NBEAL1: variants seen among roughly 807,000 people sequenced by gnomAD.
The protein encoded by NBEAL1 is neurobeachin like 1.
NBEAL1 carries 273 observed loss-of-function variants against 351.3 expected under a neutral mutation model. The observed-to-expected ratio is 0.78, with a 90% CI of 0.70 to 0.86. The LOEUF (loss-of-function observed/expected upper bound fraction) is 0.86. Ranked by LOEUF, NBEAL1 falls within the 40% of genes least tolerant of loss-of-function variation. NBEAL1 has a pLI of 0.00. For synonymous variants in NBEAL1, 1,050 were observed against 1,086.4 expected (o/e 0.97, Z 0.66); for missense variants, 2,961 against 3,201.3 (o/e 0.92, Z 1.81).
chr2:203,164,500 G>A (rs1215106510), intron 36 of NBEAL1, among the ~76,000 whole-genome samples: 4 of 151,806 alleles, frequency 2.6e-5, no homozygotes, highest in Non-Finnish European at 4.4e-5. Flanking sequence ...GTTTTACACT[G>A]AAGAACCAAA....
At chr2:203,189,028 A>G (rs778800666) in intron 45 of NBEAL1, among the ~76,000 whole-genome samples, 15 of 152,226 alleles carry the variant, frequency 9.9e-5, no homozygotes, top group Non-Finnish European at 1.9e-4. Flanking sequence ...TAAGAAGACT[A>G]ATAGTTCTAA....
chr2:203,075,636 C>T (rs1363158851), intron 7 of NBEAL1, among the ~76,000 whole-genome samples: 1 of 152,212 alleles, frequency 6.6e-6, no homozygotes, highest in African/African-American at 2.4e-5. Flanking sequence ...CAGTACTCTG[C>T]TTTACAAATT....
intron 3 of NBEAL1, among the ~76,000 whole-genome samples, chr2:203,046,680 G>A (rs2061232164): frequency 6.6e-6 from 1 of 152,118 alleles, no homozygotes. Context: ...AGAGGAAGGG[G>A]CAGGGCAACT....
At position 203,027,647 on chromosome 2, in the gene NBEAL1, A is replaced by G. The variant is rs16839459; in HGVS notation, c.51+11212A>G. Among the ~76,000 whole-genome samples the G allele has an allele frequency of 5.4e-3, 824 of 152,280 alleles. 11 individuals are homozygous for G. Among genetic ancestry groups the G allele is most frequent in the African/African-American group, 0.019 (777 of 41,558 alleles). ...TTATTGAGTGATTTTTGTCTGTTCA[A>G]AATACAAAATTTAACCTTTCTAGTG... On this transcript the variant is annotated intron_variant, in intron 2 of 55. Transcript: ENST00000683969.
At chr2:203,212,468 G>A (rs1443728508) in intron 54 of NBEAL1, among the ~76,000 whole-genome samples, 1 of 151,876 alleles carries the variant, frequency 6.6e-6, no homozygotes, top group Non-Finnish European at 1.5e-5. Context: ...TTAGCCGGGT[G>A]TGGTGGCGGG....
chr2:203,189,648 A>G (rs2065008726), intron 45 of NBEAL1, among the ~76,000 whole-genome samples: 1 of 151,968 alleles, frequency 6.6e-6, no homozygotes. Flanking sequence ...CAGCCTCCCA[A>G]AGTGCTGGGA....
chr2:203,110,784 T>TC (rs2062553753), intron 15 of NBEAL1, among the ~76,000 whole-genome samples: 1 of 146,250 alleles, frequency 6.8e-6, no homozygotes, highest in East Asian at 2.0e-4. Flanking sequence ...TTTTTTTTTT[T>TC]GAGATAGAGT....
chr2:203,199,153 G>C (rs1261417803), intron 48 of NBEAL1, among the ~76,000 whole-genome samples, 185 bp from the exon 49 acceptor site: 1 of 152,106 alleles, frequency 6.6e-6, no homozygotes, highest in Non-Finnish European at 1.5e-5. Flanking sequence ...AAAAATAAAA[G>C]ATAAAAAAAG....
In NBEAL1 at chr2:203,099,777, G is replaced by A. The variant is rs548392188; in HGVS notation, c.1269+65G>A. 28 of 1,074,256 alleles carry A rather than the reference G, an allele frequency of 2.6e-5. No homozygotes were observed. In the Middle Eastern group the frequency reaches 1.6e-3, roughly 62 times the overall value. The allele number at this position is 1,074,256 out of a possible 1,614,324, so 66.5% of individuals were successfully genotyped here. On this transcript the variant is annotated intron_variant, in intron 12 of 55. Transcript: ENST00000683969. ...TTTTATTTTAGGTTCAGGGGTACAT[G>A]TGCAGGTTTGTTATATAGGTAAATT...
In NBEAL1 at chr2:203,083,515, C is replaced by G; in HGVS notation, c.981C>G (p.Ile327Met). 1 of 1,536,126 alleles carries G rather than the reference C, an allele frequency of 6.5e-7. No individual in the cohort carries two copies. Among genetic ancestry groups the G allele is most frequent in the Non-Finnish European group, 8.8e-7 (1 of 1,138,694 alleles). Residue 327 changes from isoleucine to methionine, a missense_variant, in exon 9 of 56, where the codon ATC (isoleucine) becomes ATG (methionine). Ile to Met is a conservative substitution (Grantham distance 10, BLOSUM62 1). Coordinates refer to ENST00000683969, the MANE Select transcript of NBEAL1 (RefSeq NM_001378026.1). The part of the protein sequence containing the change: ...QWENRFIALQ[I>M]KMLNTITAML... ...AAAACCGATTTATTGCTCTACAGAT[C>G]AAAATGCTGAGTAAGTATTACATAA...
intron 6 of NBEAL1, among the ~76,000 whole-genome samples, chr2:203,059,940 CCT>C (rs1199165291): frequency 1.3e-5 from 2 of 152,124 alleles, no homozygotes; most frequent in Non-Finnish European, 2.9e-5. Flanking sequence ...CAGTGTTCCC[CCT>C]GTTTTGACAT....
intron 18 of NBEAL1, 25 bp from the exon 19 acceptor site, chr2:203,122,229 T>G: frequency 1.5e-6 from 2 of 1,313,528 alleles, no homozygotes; most frequent in South Asian, 1.4e-5. Context: ...ATTGGTTGTT[T>G]GCCATATTTT....
rs923489457 is a variant in NBEAL1 at position 203,211,037 on chromosome 2, T to C, written c.7865T>C (p.Ile2622Thr). 1 of 1,607,548 alleles carries C rather than the reference T, an allele frequency of 6.2e-7. No homozygotes were observed. The highest frequency in any genetic ancestry group is 8.5e-7 in the Non-Finnish European group (1 of 1,175,924). Residue 2622 changes from isoleucine to threonine, a missense_variant, in exon 54 of 56, where the codon ATA (isoleucine) becomes ACA (threonine). Coordinates refer to ENST00000683969, the MANE Select transcript of NBEAL1 (RefSeq NM_001378026.1). The part of the protein sequence containing the change: ...SQILKEQVSD[I>T]CIIGEHIVTG... ...ATCCTGAAGGAACAAGTATCAGATA[T>C]ATGTATAATCGGAGAACACATTGTC...
At chr2:203,158,695 T>TATCAAG (rs2063861920) in intron 36 of NBEAL1, among the ~76,000 whole-genome samples, 1 of 152,140 alleles carries the variant, frequency 6.6e-6, no homozygotes, top group South Asian at 2.1e-4. Flanking sequence ...GCTACATAAT[T>TATCAAG]ATCAAGTATC....
intron 19 of NBEAL1, among the ~76,000 whole-genome samples, chr2:203,124,006 C>G (rs1258627204): frequency 3.3e-5 from 5 of 151,980 alleles, no homozygotes; most frequent in Non-Finnish European, 7.4e-5. Flanking sequence ...ACACAAAGAG[C>G]TCTTCAAAAC....
chr2:203,142,183 T>TCTTG (rs2063399786), intron 31 of NBEAL1, among the ~76,000 whole-genome samples: 1 of 151,950 alleles, frequency 6.6e-6, no homozygotes, highest in African/African-American at 2.4e-5. Context: ...TGAGACAGAG[T>TCTTG]CTTGCTCTTT....
intron 27 of NBEAL1, 63 bp downstream of exon 27, chr2:203,133,209 T>C: frequency 3.1e-6 from 2 of 639,808 alleles, no homozygotes; most frequent in South Asian, 6.1e-5. Flanking sequence ...ATAAATAACT[T>C]TGCATTATTT....
Position 203,128,516 on chromosome 2 carries a change from A to G in NBEAL1, c.3405+579A>G, listed in dbSNP as rs537413535. Among the ~76,000 whole-genome samples, 390 of 152,092 alleles carry G rather than the reference A, an allele frequency of 2.6e-3. 2 individuals are homozygous for G. The highest frequency in any genetic ancestry group is 0.022 in the South Asian group (104 of 4,824). On this transcript the variant is annotated intron_variant, in intron 24 of 55. Coordinates refer to ENST00000683969, the MANE Select transcript of NBEAL1 (RefSeq NM_001378026.1). ...ATATATGGAAATGTTTCCTTTGGCA[A>G]TTCTGAAGCCTGTTTTCATAGTCTG... is the stretch of plus-strand genomic sequence containing the variant.
intron 18 of NBEAL1, among the ~76,000 whole-genome samples, chr2:203,119,292 G>T (rs781478539): frequency 2.9e-4 from 44 of 150,920 alleles, no homozygotes; most frequent in Non-Finnish European, 5.9e-4. Context: ...CCCATTTTTT[G>T]ATTTTTTGTA....
Sources: allele counts gnomAD v4.1 joint callset (sites outside exome capture counted in the v4.1 genomes callset), GRCh38; gene constraint gnomAD v4.1.1; transcripts MANE v1.5; gene names NCBI Gene and HGNC (gene_info 2026-07-23, HGNC 2026-07-21).